The following RTN4 variants were observed in gnomAD, a reference collection of about 807,000 sequenced individuals.
RTN4 encodes the protein reticulon-4.
Under a neutral mutation model 90.4 loss-of-function variants are expected in RTN4, and 32 were observed. That is an observed-to-expected ratio of 0.35 (90% CI 0.27 to 0.48). The LOEUF is 0.48. Among genes scored for constraint, RTN4 ranks in the 20% least tolerant of loss-of-function variants. The pLI, the probability that RTN4 is intolerant of heterozygous loss-of-function variation, is 0.99. For missense variants in RTN4, 1,706 were observed against 1,430.2 expected (o/e 1.19, Z -3.11); for synonymous variants, 629 against 552.5 (o/e 1.14, Z -1.94).
chr2:55,086,792 T>G (rs1301359553), intron 1 of RTN4, among the ~76,000 whole-genome samples: 1 of 152,010 alleles, frequency 6.6e-6, no homozygotes, highest in Admixed American at 6.6e-5. Context: ...TATCTTTCAC[T>G]GTCAACCAAT....
chr2:55,114,544 C>A (rs1338349175), upstream of RTN4, among the ~76,000 whole-genome samples: 1 of 152,106 alleles, frequency 6.6e-6, no homozygotes, highest in African/African-American at 2.4e-5. Flanking sequence ...ACTAAAAATA[C>A]AAAAATTAGA....
At chr2:55,063,741 C>T (rs554635019) in intron 2 of RTN4, among the ~76,000 whole-genome samples, 3 of 151,840 alleles carry the variant, frequency 2.0e-5, no homozygotes, top group Admixed American at 6.6e-5. Flanking sequence ...ATCAGCCGGG[C>T]GTGGTGGTGG....
chr2:55,014,244 C>T (rs1249542025), intron 3 of RTN4, among the ~76,000 whole-genome samples: 13 of 151,812 alleles, frequency 8.6e-5, no homozygotes, highest in East Asian at 1.9e-4. Context: ...AGCAAAACAA[C>T]GAGCATTTTA....
intron 3 of RTN4, among the ~76,000 whole-genome samples, chr2:55,021,506 G>T (rs1415971421): frequency 2.7e-5 from 4 of 147,226 alleles, no homozygotes; most frequent in African/African-American, 5.1e-5. Flanking sequence ...CTTTTTTGTG[G>T]AGAACGGAGT....
At chr2:55,044,563 A>G (rs1301079670) in intron 1 of RTN4, among the ~76,000 whole-genome samples, 1 of 152,200 alleles carries the variant, frequency 6.6e-6, no homozygotes, top group East Asian at 1.9e-4. Flanking sequence ...AGATTTTTAA[A>G]AAGAAAATAA....
Position 55,108,235 on chromosome 2 carries a change from G to A in RTN4, c.-214+4285C>T, listed in dbSNP as rs186499874. The stretch of plus-strand genomic sequence containing the variant: ...CTCCCAAAGTGCTGTGATTACAGGC[G>A]TGAGCCAACCCACCCAGCCCAGTTC... On this transcript the variant is annotated intron_variant, in intron 1 of 3. Transcript: ENST00000427710. Among the ~76,000 whole-genome samples, 121 of 152,232 alleles carry A rather than the reference G, an allele frequency of 7.9e-4. 1 individual carries two copies. Among genetic ancestry groups the A allele is most frequent in the African/African-American group, 2.5e-3 (105 of 41,508 alleles).
chr2:55,125,697 C>T, the RTN4 span, among the ~76,000 whole-genome samples: 7 of 152,000 alleles, frequency 4.6e-5, no homozygotes, highest in Non-Finnish European at 7.4e-5. Context: ...ACTCAGGAGG[C>T]GGAGGTTGCA....
intron 3 of RTN4, among the ~76,000 whole-genome samples, chr2:54,991,851 C>T (rs1157513467): frequency 6.6e-6 from 1 of 152,138 alleles, no homozygotes; most frequent in African/African-American, 2.4e-5. Flanking sequence ...CATATTCCTA[C>T]AATTTTTCAA....
chr2:55,062,707 G>A lies in RTN4; in HGVS notation c.-63+17782C>T, dbSNP rs1007456039. 7.9e-5 allele frequency among the ~76,000 whole-genome samples: 12 copies of A among 152,302 alleles called. No individual in the cohort carries two copies. In the East Asian group the frequency reaches 2.3e-3, roughly 29 times the overall value. ...CCTGACTTTTTCACTGTAAAGCTTT[G>A]TTCTTTCATGGACAGAAGTAATCTG... On this transcript the variant is annotated intron_variant, in intron 2 of 3. Coordinates refer to the RTN4 transcript ENST00000427710.
chr2:55,127,966 G>T, the RTN4 span, among the ~76,000 whole-genome samples: 1 of 151,742 alleles, frequency 6.6e-6, no homozygotes, highest in African/African-American at 2.4e-5. Flanking sequence ...GACTTGGAGT[G>T]CAGTGGAGCC....
chr2:55,098,506 A>G (rs1483791888), intron 1 of RTN4, among the ~76,000 whole-genome samples: 2 of 152,120 alleles, frequency 1.3e-5, no homozygotes, highest in Non-Finnish European at 2.9e-5. Flanking sequence ...TCCATTGCAT[A>G]TTATTTTGAA....
intron 1 of RTN4, among the ~76,000 whole-genome samples, chr2:55,094,465 C>T (rs1011808192): frequency 4.6e-5 from 7 of 152,164 alleles, no homozygotes; most frequent in African/African-American, 1.4e-4. Context: ...TACTGTTGCG[C>T]AGTGAAGTAT....
At chr2:55,054,235 C>T (rs775479561), upstream of RTN4, among the ~76,000 whole-genome samples, 3 of 152,126 alleles carry the variant, frequency 2.0e-5, no homozygotes, top group Admixed American at 6.5e-5. Flanking sequence ...GGTGAAAAAG[C>T]TGTGGTTGAC....
intron 1 of RTN4, among the ~76,000 whole-genome samples, chr2:55,040,571 AG>A (rs1683003565): frequency 6.6e-6 from 1 of 152,228 alleles, no homozygotes; most frequent in Non-Finnish European, 1.5e-5. Flanking sequence ...ACACGTAGGC[AG>A]ACCTGGAATC....
intron 5 of RTN4, among the ~76,000 whole-genome samples, chr2:54,977,916 A>T (rs1054788042): frequency 1.3e-5 from 2 of 152,180 alleles, no homozygotes; most frequent in African/African-American, 4.8e-5. Flanking sequence ...CCACCAGGAA[A>T]CTTGGACCAG....
the RTN4 span, among the ~76,000 whole-genome samples, chr2:55,122,428 C>A: frequency 2.0e-5 from 3 of 152,274 alleles, no homozygotes; most frequent in South Asian, 2.1e-4. Flanking sequence ...GGGCCTGCAA[C>A]CTGTGTAGTC....
Position 55,027,489 on chromosome 2 carries a change from T to C in RTN4, c.614-4A>G. The C allele has an allele frequency of 6.3e-7, 1 of 1,596,664 alleles. No individual in the cohort carries two copies. Among genetic ancestry groups the C allele is most frequent in the Non-Finnish European group, 8.5e-7 (1 of 1,172,398 alleles). ...TGCTCCTTCAAGTCCATATTTTCTG[T>C]GACCATGGACAGAAAGGAAAGTTAG... On this transcript the variant is annotated splice_polypyrimidine_tract_variant and splice_region_variant and intron_variant, in intron 2 of 8. Transcript: ENST00000337526.
chr2:54,988,954 C>G (rs73936517), intron 3 of RTN4, among the ~76,000 whole-genome samples: 1 of 152,136 alleles, frequency 6.6e-6, no homozygotes, highest in Non-Finnish European at 1.5e-5. Context: ...TCTCTCTGAA[C>G]TGTGAACAAT....
chr2:55,039,883 T>C (rs781148752), intron 1 of RTN4, among the ~76,000 whole-genome samples: 15 of 152,240 alleles, frequency 9.9e-5, no homozygotes, highest in East Asian at 1.9e-4. Flanking sequence ...CTTTTAGTAT[T>C]CCATTAAAAT....
Sources: gnomAD v4.1 joint callset for allele counts (sites outside exome capture counted in the v4.1 genomes callset) on GRCh38, gnomAD v4.1.1 for gene constraint, MANE v1.5 for transcripts, NCBI Gene and HGNC (gene_info 2026-07-23, HGNC 2026-07-21) for gene names.